Variants in RYR2 observed in about 807,000 individuals in gnomAD.
The protein encoded by RYR2 is ryanodine receptor 2.
RYR2 carries 227 observed loss-of-function variants against 601.1 expected under a neutral mutation model. The observed-to-expected ratio is 0.38, with a 90% confidence interval of 0.34 to 0.42. The LOEUF (loss-of-function observed/expected upper bound fraction) is 0.42. Among genes scored for constraint, RYR2 ranks in the 10% least tolerant of loss-of-function variants. The pLI, the probability that RYR2 is intolerant of heterozygous loss-of-function variation, is 1.00. For missense variants in RYR2, 4,646 were observed against 6,156.5 expected (o/e 0.75, Z 8.21); for synonymous variants, 2,223 against 2,175.1 (o/e 1.02, Z -0.61).
In RYR2 at chr1:237,709,461, T is replaced by C. The variant is rs373127797; in HGVS notation, c.10143-19T>C. Reference sequence around the variant, plus strand: ...TTAAGGAGTAGCTGAGAAACCACTTTATTTATTATGTGATCCAGGGCAAAG... The same window carrying C: ...TTAAGGAGTAGCTGAGAAACCACTTCATTTATTATGTGATCCAGGGCAAAG... On this transcript the variant is annotated intron_variant, in intron 69 of 104. Transcript: ENST00000366574. 4.1e-5 allele frequency: 64 copies of C among 1,542,790 alleles called. No individual in the cohort carries two copies. In the African/African-American group the frequency reaches 7.9e-4, roughly 19 times the overall value.
Position 237,168,053 on chromosome 1 carries a change from C to T in RYR2, c.49-102444C>T, listed in dbSNP as rs73119340. On this transcript the variant is annotated intron_variant, in intron 1 of 104. Transcript: ENST00000366574. ...GGATACTTACCAAGCCAAAGAGAAA[C>T]GGATTCATTGAGATACTGATCTCAG... Among the ~76,000 whole-genome samples the T allele has an allele frequency of 5.4e-3, 829 of 152,226 alleles. 8 individuals carry two copies. The highest frequency in any genetic ancestry group is 0.018 in the African/African-American group (754 of 41,536).
Position 237,831,538 on chromosome 1 carries a change from C to T in RYR2, c.14781C>T (p.Asn4927=), listed in dbSNP as rs559218380. Residue 4927 remains asparagine (N), a synonymous_variant, in exon 104 of 105, where the codon AAC becomes AAT. Coordinates refer to ENST00000366574, the MANE Select transcript of RYR2 (RefSeq NM_001035.3). ...NYLFFLMYLI[N]KDETEHTGQE... ...GGTTTTTTCTGATGTATCTTATAAA[C>T]AAAGATGAAACAGAACACACAGGAC... 29 of 1,570,804 alleles carry T rather than the reference C, an allele frequency of 1.8e-5. No individual in the cohort carries two copies. Among genetic ancestry groups the T allele is most frequent in the African/African-American group, 2.7e-5 (2 of 74,114 alleles).
chr1:237,061,291 CT>C (rs56211895), intron 1 of RYR2, among the ~76,000 whole-genome samples: 21,168 of 98,724 alleles, frequency 0.21, 2,185 homozygotes, highest in Middle Eastern at 0.38. Flanking sequence ...ATCTATCTAT[CT>C]ATCTATCTAT....
chr1:237,472,108 G>GT (rs1236945708), intron 17 of RYR2, among the ~76,000 whole-genome samples: 2 of 152,110 alleles, frequency 1.3e-5, no homozygotes, highest in Non-Finnish European at 2.9e-5. Flanking sequence ...TTAATGAACT[G>GT]TTTTTTCTCC....
intron 82 of RYR2, among the ~76,000 whole-genome samples, chr1:237,759,089 G>GT (rs1264157643): frequency 6.6e-6 from 1 of 152,000 alleles, no homozygotes; most frequent in Admixed American, 6.6e-5. Context: ...GCTGTTCGGG[G>GT]TTTTTTGTTT....
intron 1 of RYR2, among the ~76,000 whole-genome samples, chr1:237,056,755 GC>G (rs1662181314): frequency 6.7e-6 from 1 of 150,184 alleles, no homozygotes; most frequent in African/African-American, 2.5e-5. Flanking sequence ...GAGGACTGGA[GC>G]ACTGCACCTG....
intron 1 of RYR2, among the ~76,000 whole-genome samples, chr1:237,249,848 G>A (rs896898882): frequency 2.6e-5 from 4 of 152,176 alleles, no homozygotes; most frequent in Non-Finnish European, 4.4e-5. Context: ...TTCCAGGGAT[G>A]ATGATACACA....
chr1:237,149,322 A>G (rs896272217), intron 1 of RYR2, among the ~76,000 whole-genome samples: 1 of 152,158 alleles, frequency 6.6e-6, no homozygotes, highest in Non-Finnish European at 1.5e-5. Flanking sequence ...CAAAAACAAA[A>G]ACAAAAAACC....
rs1018300197 is a variant in RYR2 at position 237,593,698 on chromosome 1, A to G, written c.4436+62A>G. On this transcript the variant is annotated intron_variant, in intron 33 of 104. Transcript: ENST00000366574. The stretch of plus-strand genomic sequence containing the variant: ...GAAAAAAATATTGGTGAACCTAGCT[A>G]TTCCTTTTCCTTGTATTTTGTGACC... The G allele has an allele frequency of 2.0e-6, 3 of 1,522,572 alleles. No homozygotes were observed. The African/African-American group carries it at 4.1e-5, about 21-fold the overall frequency. The allele number at this position is 1,522,572 out of a possible 1,614,324, so 94.3% of individuals were successfully genotyped here. A position where few individuals can be genotyped will look rare whatever the true frequency, so the allele number is the denominator to read the frequency against.
chr1:237,057,681 G>A (rs1662344233), intron 1 of RYR2, among the ~76,000 whole-genome samples: 1 of 152,126 alleles, frequency 6.6e-6, no homozygotes, highest in African/African-American at 2.4e-5. Context: ...AAAAGTTAGG[G>A]ATGCTTTTCT....
chr1:237,373,413 G>C (rs1700792463), intron 6 of RYR2, among the ~76,000 whole-genome samples: 1 of 152,144 alleles, frequency 6.6e-6, no homozygotes, highest in Non-Finnish European at 1.5e-5. Context: ...CACACTCACA[G>C]ACACACACCT....
chr1:237,100,041 C>A (rs1375911475), intron 1 of RYR2, among the ~76,000 whole-genome samples: 1 of 152,152 alleles, frequency 6.6e-6, no homozygotes, highest in Non-Finnish European at 1.5e-5. Flanking sequence ...CTCCTGCCTT[C>A]CAGGACCCTC....
At position 237,639,221 on chromosome 1, in the gene RYR2, C is replaced by T. The variant is rs373092652; in HGVS notation, c.7115+20C>T. ...AACACTGTAGGTCTAATATACACAC[C>T]CTCACGAGTGATCCATACTACTTGA... On this transcript the variant is annotated intron_variant, in intron 46 of 104. Transcript: ENST00000366574. The T allele has an allele frequency of 6.3e-7, 1 of 1,586,522 alleles. No homozygotes were observed. Among genetic ancestry groups the T allele is most frequent in the Non-Finnish European group, 8.6e-7 (1 of 1,163,808 alleles).
intron 70 of RYR2, among the ~76,000 whole-genome samples, chr1:237,710,019 G>A (rs1238509336): frequency 6.6e-6 from 1 of 152,168 alleles, no homozygotes; most frequent in East Asian, 1.9e-4. Context: ...TCACATTTTA[G>A]AATCTGTTGG....
intron 100 of RYR2, among the ~76,000 whole-genome samples, chr1:237,814,554 ATT>A (rs3835531): frequency 6.9e-6 from 1 of 145,696 alleles, no homozygotes. Context: ...TCACAGGGGG[ATT>A]TTTTTTTTTT....
At position 237,496,715 on chromosome 1, in the gene RYR2, C is replaced by T. The variant is rs1322966065; in HGVS notation, c.2166C>T (p.Leu722=). Residue 722 remains leucine, a synonymous_variant, in exon 20 of 105, where the codon CTC becomes CTT. Coordinates refer to ENST00000366574, the MANE Select transcript of RYR2 (RefSeq NM_001035.3). Reference sequence around the variant, plus strand: ...GTGGAAATGGTGTTGGAGATGATCTCTTCTCCTATGGATTTGATGGCCTTC... The same window carrying T: ...GTGGAAATGGTGTTGGAGATGATCTTTTCTCCTATGGATTTGATGGCCTTC... The part of the protein sequence containing the change: ...EWGGNGVGDD[L]FSYGFDGLHL... The T allele has an allele frequency of 1.2e-6, 2 of 1,613,906 alleles. No homozygotes were observed. Among genetic ancestry groups the T allele is most frequent in the Non-Finnish European group, 8.5e-7 (1 of 1,179,844 alleles).
chr1:237,530,104 G>T (rs1044952383), intron 24 of RYR2, among the ~76,000 whole-genome samples: 19 of 152,092 alleles, frequency 1.2e-4, no homozygotes, highest in African/African-American at 4.6e-4. Flanking sequence ...GAGGTCAGGA[G>T]ATCGAGACCA....
chr1:237,792,405 G>GCA (rs1658555940), intron 94 of RYR2, 82 bp downstream of exon 94: 2 of 699,046 alleles, frequency 2.9e-6, no homozygotes, highest in South Asian at 2.5e-5. Context: ...GTGCGTGTGT[G>GCA]TGTGTGTGTG....
chr1:237,199,067 C>T (rs1680887471), intron 1 of RYR2, among the ~76,000 whole-genome samples: 1 of 152,088 alleles, frequency 6.6e-6, no homozygotes, highest in Non-Finnish European at 1.5e-5. Flanking sequence ...TGGTTCCTTG[C>T]CGGGGTCCTG....
Sources: gnomAD v4.1 joint callset for allele counts (sites outside exome capture counted in the v4.1 genomes callset) on GRCh38, gnomAD v4.1.1 for gene constraint, MANE v1.5 for transcripts, NCBI Gene and HGNC (gene_info 2026-07-23, HGNC 2026-07-21) for gene names.